The following DHX33 variants were observed in gnomAD, a reference collection of about 807,000 sequenced individuals.
DHX33 encodes the protein DEAH-box helicase 33, also known as ATP-dependent RNA helicase DHX33.
Under a neutral mutation model 72.5 loss-of-function variants are expected in DHX33, and 42 were observed. The ratio of observed to expected loss-of-function variants is 0.58; its 90% CI spans 0.45 to 0.75. The LOEUF is 0.75. Ranked by LOEUF, DHX33 falls within the 30% of genes least tolerant of loss-of-function variation. The pLI, the probability that DHX33 is intolerant of heterozygous loss-of-function variation, is 0.00. For missense variants in DHX33, 842 were observed against 917.5 expected (o/e 0.92, Z 1.06); for synonymous variants, 358 against 366.1 (o/e 0.98, Z 0.25).
At chr17:5,451,403 C>G (rs1273436505) in intron 8 of DHX33, among the ~76,000 whole-genome samples, 1 of 150,930 alleles carries the variant, frequency 6.6e-6, no homozygotes, top group Non-Finnish European at 1.5e-5. Flanking sequence ...CCATGCCCAG[C>G]CTCAATTTTC....
In DHX33 at chr17:5,448,821, G is replaced by A. The variant is rs375734203; in HGVS notation, c.1803C>T (p.Asp601=). 5.6e-6 allele frequency: 9 copies of A among 1,610,236 alleles called. No individual in the cohort carries two copies. The African/African-American group carries it at 1.2e-4, about 22-fold the overall frequency. The part of the protein sequence containing the change: ...LVAEVRAQLR[D]ICLKMSMPIA... Reference sequence around the variant, plus strand: ...GACCAGACGATACCTTTAAGCAGATGTCCCTCAGCTGTGCTCTGACTTCTG... The same window carrying A: ...GACCAGACGATACCTTTAAGCAGATATCCCTCAGCTGTGCTCTGACTTCTG... The change falls in exon 11 of 12, where the codon GAC becomes GAT. Residue 601 remains aspartate (D), a synonymous_variant. Transcript: ENST00000225296.
At chr17:5,466,664 T>C (rs1462820404) in intron 1 of DHX33, among the ~76,000 whole-genome samples, 4 of 152,180 alleles carry the variant, frequency 2.6e-5, no homozygotes, top group Non-Finnish European at 5.9e-5. Context: ...GAATGCTTTA[T>C]AAAATGTCAC....
intron 4 of DHX33, among the ~76,000 whole-genome samples, chr17:5,458,429 C>T (rs1466560408): frequency 6.6e-6 from 1 of 152,056 alleles, no homozygotes; most frequent in Non-Finnish European, 1.5e-5. Context: ...TCATAATATT[C>T]TTAGTATTGA....
chr17:5,448,703 CAAT>C (rs1916760744), intron 11 of DHX33, 103 bp downstream of exon 11: 2 of 742,178 alleles, frequency 2.7e-6, no homozygotes. Context: ...AAATTTGCTA[CAAT>C]GAGAAATCCT....
intron 9 of DHX33, 117 bp downstream of exon 9, chr17:5,450,690 T>TTTACAAATATA: frequency 1.4e-6 from 2 of 1,441,176 alleles, no homozygotes; most frequent in Non-Finnish European, 1.9e-6. Context: ...AACTAGGGGT[T>TTTACAAATATA]GGTAATTATG....
At position 5,442,079 on chromosome 17, in the gene DHX33, G is replaced by A. The variant is rs1916455458; in HGVS notation, c.*2126C>T. The A allele has an allele frequency of 6.6e-6, 1 of 151,904 alleles. No individual in the cohort carries two copies. The highest frequency in any genetic ancestry group is 1.5e-5 in the Non-Finnish European group (1 of 68,048). The allele number at this position is 151,904 out of a possible 1,614,324, so 9.4% of individuals were successfully genotyped here. Reference sequence around the variant, plus strand: ...CCAGCTAAGTTTTCTATTTTTAGTAGAGACGGGGTTTTGCCATGTTGGCCA... The same window carrying A: ...CCAGCTAAGTTTTCTATTTTTAGTAAAGACGGGGTTTTGCCATGTTGGCCA... On this transcript the variant is annotated 3_prime_UTR_variant, in exon 12 of 12. Coordinates refer to ENST00000225296, the MANE Select transcript of DHX33 (RefSeq NM_020162.4).
chr17:5,455,121 T>G, intron 6 of DHX33, 39 bp downstream of exon 6: 1 of 1,545,044 alleles, frequency 6.5e-7, no homozygotes, highest in South Asian at 1.1e-5. Flanking sequence ...GGCTGCTCAC[T>G]AGACACAGGA....
At chr17:5,449,970 T>G (rs189812831) in intron 10 of DHX33, among the ~76,000 whole-genome samples, 3 of 152,152 alleles carry the variant, frequency 2.0e-5, no homozygotes, top group Non-Finnish European at 4.4e-5. Context: ...TTTTGATGGG[T>G]TGGGAGTCAC....
At chr17:5,455,870 G>A (rs17637364) in intron 5 of DHX33, 127 bp downstream of exon 5, 63,263 of 1,001,666 alleles carry the variant, frequency 0.063, 2,196 homozygotes, top group Middle Eastern at 0.091. Flanking sequence ...TCCTCAGTGC[G>A]CTGATCTGGC....
intron 4 of DHX33, among the ~76,000 whole-genome samples, chr17:5,458,106 G>A (rs1276938412): frequency 6.6e-6 from 1 of 152,108 alleles, no homozygotes; most frequent in East Asian, 1.9e-4. Context: ...AAAGCCTTCA[G>A]TTCCCTCTCC....
chr17:5,460,798 C>T (rs983367944), intron 4 of DHX33, 141 bp downstream of exon 4: 3 of 1,028,758 alleles, frequency 2.9e-6, no homozygotes, highest in Admixed American at 2.8e-5. Context: ...TGAGCCACCG[C>T]ACCTGGCCTC....
intron 10 of DHX33, among the ~76,000 whole-genome samples, chr17:5,449,395 CA>C (rs1183830208): frequency 6.7e-6 from 1 of 149,810 alleles, no homozygotes; most frequent in Non-Finnish European, 1.5e-5. Flanking sequence ...ACACAGAAAA[CA>C]AAACAGAAAT....
chr17:5,447,375 C>T (rs1916697174), intron 11 of DHX33, among the ~76,000 whole-genome samples: 1 of 152,098 alleles, frequency 6.6e-6, no homozygotes, highest in African/African-American at 2.4e-5. Flanking sequence ...AAAAATTAGG[C>T]CGGGCGTGGT....
In DHX33 at chr17:5,444,259, C is replaced by T. The variant is rs1451317134; in HGVS notation, c.2070G>A (p.Leu690=). The part of the protein sequence containing the change: ...RDLCVIDAQW[L]YEAAPEYFRR... ...TAAAGTACTCAGGGGCAGCCTCGTA[C>T]AGCCACTGTGCATCTATGACGCAGA... The change falls in exon 12 of 12, where the codon CTG becomes CTA. Residue 690 remains leucine, a synonymous_variant. Transcript: ENST00000225296. This position sits in a 1 kb window ranked among gnomAD's most constrained non-coding sequence, Gnocchi z 4.9. 1.9e-6 allele frequency: 3 copies of T among 1,614,106 alleles called. No individual in the cohort carries two copies. Among genetic ancestry groups the T allele is most frequent in the Non-Finnish European group, 2.5e-6 (3 of 1,180,050 alleles).
chr17:5,465,377 C>A (rs1017853372), intron 1 of DHX33, among the ~76,000 whole-genome samples: 6 of 152,188 alleles, frequency 3.9e-5, no homozygotes, highest in Admixed American at 3.9e-4. Context: ...TAGGCAAAAC[C>A]CCAAACTTTG....
At chr17:5,450,753 G>A (rs1916865751) in intron 9 of DHX33, 54 bp downstream of exon 9, 4 of 1,610,958 alleles carry the variant, frequency 2.5e-6, no homozygotes, top group Admixed American at 3.3e-5. Flanking sequence ...GTACTACTTT[G>A]GGACGGTTAA....
chr17:5,448,018 A>G (rs1169801539), intron 11 of DHX33, among the ~76,000 whole-genome samples: 1 of 152,108 alleles, frequency 6.6e-6, no homozygotes, highest in Non-Finnish European at 1.5e-5. Flanking sequence ...GTCTCTACTA[A>G]AAATACAAAA....
intron 11 of DHX33, among the ~76,000 whole-genome samples, chr17:5,446,999 G>A (rs541411625): frequency 1.3e-5 from 2 of 152,336 alleles, no homozygotes; most frequent in African/African-American, 4.8e-5. Flanking sequence ...TACAGGCTGT[G>A]ACTGTCTCCC....
intron 4 of DHX33, among the ~76,000 whole-genome samples, chr17:5,457,540 G>C (rs3859291): frequency 0.098 from 14,645 of 148,960 alleles, 811 homozygotes; most frequent in African/African-American, 0.15. Context: ...CTGGGAGGTA[G>C]AGGTTGCAGT....
Sources: allele counts gnomAD v4.1 joint callset (sites outside exome capture counted in the v4.1 genomes callset), GRCh38; gene constraint gnomAD v4.1.1; non-coding constraint Gnocchi (gnomAD v3.1); transcripts MANE v1.5; gene names NCBI Gene and HGNC (gene_info 2026-07-23, HGNC 2026-07-21).